Variants in GSE1 observed in about 807,000 individuals in gnomAD.
GSE1 encodes Gse1 coiled-coil protein.
GSE1 carries 32 observed loss-of-function variants against 112.6 expected under a neutral mutation model. The observed-to-expected ratio is 0.28, with a 90% CI of 0.21 to 0.38. GSE1 has a LOEUF of 0.38. Among genes scored for constraint, GSE1 ranks in the 10% least tolerant of loss-of-function variants. The pLI is 1.00. For missense variants in GSE1, 2,348 were observed against 1,699.2 expected, an observed-to-expected ratio of 1.38 and a Z score of -6.71; for synonymous variants, 1,115 against 735.6, an observed-to-expected ratio of 1.52 and a Z score of -8.35.
intron 1 of GSE1, among the ~76,000 whole-genome samples, chr16:85,349,931 A>G (rs775772002): frequency 2.6e-5 from 4 of 152,172 alleles, no homozygotes; most frequent in Non-Finnish European, 5.9e-5. Flanking sequence ...AGGCTCTGCC[A>G]GTGTTTACTG....
rs5818532 is a variant in GSE1 at position 85,367,844 on chromosome 16, C to CTTTT, written c.2464+10218_2464+10221dup. 1.9e-3 allele frequency among the ~76,000 whole-genome samples: 223 copies of CTTTT among 114,956 alleles called. 7 individuals carry two copies. Among genetic ancestry groups the CTTTT allele is most frequent in the East Asian group, 6.2e-3 (23 of 3,684 alleles). 75.4% of individuals were successfully genotyped at this position (114,956 alleles called of 152,430 possible). A position where few individuals can be genotyped will look rare whatever the true frequency, so the allele number is the denominator to read the frequency against. Reference sequence around the variant, plus strand: ...GCAAATGTAAAGAGGAAATAAGATTCTTTTTTTTTTTTTTTTTTTTCCGAG... The same window carrying CTTTT: ...GCAAATGTAAAGAGGAAATAAGATTCTTTTTTTTTTTTTTTTTTTTTTTTCCGAG... On this transcript the variant is annotated intron_variant, in intron 2 of 2. Transcript: ENST00000637419.
chr16:85,255,261 G>C (rs1906947422), intron 1 of GSE1, among the ~76,000 whole-genome samples: 2 of 152,152 alleles, frequency 1.3e-5, no homozygotes, highest in African/African-American at 4.8e-5. Context: ...CGGGAGCCCA[G>C]AGGCCAGAGC....
intron 3 of GSE1, among the ~76,000 whole-genome samples, chr16:85,650,434 TACC>T (rs2051238124): frequency 1.3e-5 from 2 of 152,128 alleles, no homozygotes; most frequent in African/African-American, 4.8e-5. Context: ...CAGGAGCTTC[TACC>T]AGCCAGGACC....
intron 1 of GSE1, among the ~76,000 whole-genome samples, chr16:85,238,428 G>T (rs1904886865): frequency 6.6e-6 from 1 of 152,220 alleles, no homozygotes; most frequent in Admixed American, 6.5e-5. Context: ...GTGGGGGCTG[G>T]TGCTGCAGTT....
rs1345492804 is a variant in GSE1, at chr16:85,661,389, C to A, written c.1884C>A (p.Val628=). ...TGCCGCTGGTGAAGGTGGAGCGGGT[C>A]TTCTGCCCGGAGAAAGCAGAGGAGG... The part of the protein sequence containing the change: ...AAVPLVKVER[V]FCPEKAEEGP... The change falls in exon 9 of 16, where the codon GTC becomes GTA. Residue 628 remains valine, a synonymous_variant. Coordinates refer to ENST00000253458, the MANE Select transcript of GSE1 (RefSeq NM_014615.5). The A allele has an allele frequency of 1.2e-6, 2 of 1,612,366 alleles. No homozygotes were observed. The highest frequency in any genetic ancestry group is 1.7e-4 in the Middle Eastern group (1 of 6,056).
rs139901627 is a variant in GSE1, at chr16:85,556,248, C to CT, written c.-74dup. The CT allele has an allele frequency of 3.5e-4, 346 of 984,428 alleles. 2 individuals are homozygous for CT. In the African/African-American group the frequency reaches 5.6e-3, roughly 16 times the overall value. 61.0% of individuals were successfully genotyped at this position (984,428 alleles called of 1,614,324 possible). A position where few individuals can be genotyped will look rare whatever the true frequency, so the allele number is the denominator to read the frequency against. On this transcript the variant is annotated 5_prime_UTR_variant, in exon 1 of 3. Coordinates refer to the GSE1 transcript ENST00000635906. ...TTTGAGCGCCGTGGCTTGAACGGTG[C>CT]TTTTTGTTCATTCCTGGGTTTTAAT...
At chr16:85,423,880 C>T (rs2048908416) in intron 2 of GSE1, among the ~76,000 whole-genome samples, 3 of 152,200 alleles carry the variant, frequency 2.0e-5, no homozygotes, top group Admixed American at 1.3e-4. Context: ...GGGACATCTT[C>T]GGGGAAGACC....
At chr16:85,284,353 C>T (rs117339567) in intron 1 of GSE1, among the ~76,000 whole-genome samples, 77 of 152,286 alleles carry the variant, frequency 5.1e-4, no homozygotes, top group Non-Finnish European at 8.2e-4. Flanking sequence ...AGAGGTCTCC[C>T]GGCGGGGGCC....
intron 1 of GSE1, among the ~76,000 whole-genome samples, chr16:85,598,310 C>T (rs942151846): frequency 2.0e-5 from 3 of 151,826 alleles, no homozygotes; most frequent in Non-Finnish European, 2.9e-5. Flanking sequence ...CACCCAGCTG[C>T]GCAGGGCAGT....
chr16:85,320,058 G>T (rs543725960), intron 1 of GSE1, among the ~76,000 whole-genome samples: 1 of 152,192 alleles, frequency 6.6e-6, no homozygotes, highest in African/African-American at 2.4e-5. Flanking sequence ...ATAATGACAG[G>T]CCCCACATTT....
At chr16:85,569,849 C>G (rs2045910047) in intron 1 of GSE1, among the ~76,000 whole-genome samples, 1 of 152,252 alleles carries the variant, frequency 6.6e-6, no homozygotes. Flanking sequence ...TGCACCTGCC[C>G]ACCGCCTGGA....
At position 85,532,957 on chromosome 16, in the gene GSE1, A is replaced by G. The variant is rs117804861; in HGVS notation, c.2465-100957A>G. Among the ~76,000 whole-genome samples the G allele has an allele frequency of 9.8e-4, 149 of 152,000 alleles. 6 individuals are homozygous for G. The East Asian group carries it at 0.027, about 28-fold the overall frequency. ...ATTTTCCCCAGAACATGCCCCACGT[A>G]CTCCAAAACCAGCACAAACCAGCCC... is the stretch of plus-strand genomic sequence containing the variant. On this transcript the variant is annotated intron_variant, in intron 2 of 2. Coordinates refer to the GSE1 transcript ENST00000637419.
exon 1 of GSE1, chr16:85,170,761 A>T: frequency 2.0e-6 from 2 of 985,486 alleles, no homozygotes; most frequent in Non-Finnish European, 2.4e-6. Context: ...GGCACAGCCC[A>T]TCAGCGAGGG....
At chr16:85,229,833 G>A (rs761435957) in intron 1 of GSE1, among the ~76,000 whole-genome samples, 8 of 152,314 alleles carry the variant, frequency 5.3e-5, no homozygotes, top group South Asian at 2.1e-4. Flanking sequence ...TAGCTGCCAC[G>A]GCTCCAAACA....
At chr16:85,351,863 A>T (rs1017496313) in intron 1 of GSE1, among the ~76,000 whole-genome samples, 1 of 152,056 alleles carries the variant, frequency 6.6e-6, no homozygotes, top group African/African-American at 2.4e-5. Context: ...GGTGGCGGCC[A>T]CCTGTAGTCC....
At chr16:85,253,294 T>C (rs906523829) in intron 1 of GSE1, among the ~76,000 whole-genome samples, 2 of 151,958 alleles carry the variant, frequency 1.3e-5, no homozygotes, top group African/African-American at 4.8e-5. Flanking sequence ...GCAACCCCGC[T>C]TGCTTGGGGC....
chr16:85,614,266 G>T (rs1189536858), intron 1 of GSE1, among the ~76,000 whole-genome samples: 1 of 152,186 alleles, frequency 6.6e-6, no homozygotes, highest in South Asian at 2.1e-4. Context: ...GCGGCGAGTG[G>T]CCCGACCGAG....
intron 14 of GSE1, among the ~76,000 whole-genome samples, chr16:85,670,107 C>T (rs1419541636): frequency 6.6e-5 from 10 of 152,180 alleles, no homozygotes; most frequent in Admixed American, 2.0e-4. Flanking sequence ...CATTTTTGGA[C>T]GTGAAGTTTT....
At chr16:85,518,013 G>C (rs2052010981) in intron 2 of GSE1, among the ~76,000 whole-genome samples, 1 of 152,240 alleles carries the variant, frequency 6.6e-6, no homozygotes, top group Admixed American at 6.5e-5. Flanking sequence ...GCTTCCTGCT[G>C]CCGGCCCCAA....
Sources: allele counts gnomAD v4.1 joint callset (sites outside exome capture counted in the v4.1 genomes callset), GRCh38; gene constraint gnomAD v4.1.1; transcripts MANE v1.5; gene names NCBI Gene and HGNC (gene_info 2026-07-23, HGNC 2026-07-21).